The following MIPOL1 variants were observed in gnomAD, a reference collection of about 807,000 sequenced individuals.
MIPOL1 encodes mirror-image polydactyly gene 1 protein.
In MIPOL1, 57 loss-of-function variants were observed where a neutral mutation model predicts 60.9. That is an observed-to-expected ratio of 0.94 (90% CI 0.76 to 1.17). MIPOL1 has a LOEUF of 1.17. Among genes scored for constraint, MIPOL1 ranks in the 50% most tolerant of loss-of-function variants. The pLI, the probability that MIPOL1 is intolerant of heterozygous loss-of-function variation, is 0.00. For synonymous variants in MIPOL1, 179 were observed against 168.8 expected (o/e 1.06, Z -0.47); for missense variants, 551 against 511.6 (o/e 1.08, Z -0.74).
chr14:37,431,382 C>CT (rs974136401), intron 11 of MIPOL1, among the ~76,000 whole-genome samples: 5 of 151,822 alleles, frequency 3.3e-5, no homozygotes, highest in East Asian at 1.9e-4. Context: ...CATGCCCAAG[C>CT]TTTTTTTGCT....
intron 12 of MIPOL1, among the ~76,000 whole-genome samples, chr14:37,524,211 A>G (rs2095431596): frequency 6.6e-6 from 1 of 152,188 alleles, no homozygotes; most frequent in East Asian, 1.9e-4. Context: ...TATGTGGAAG[A>G]TAATTGGAAT....
rs1051315124 is a variant in MIPOL1 at position 37,478,517 on chromosome 14, A to G, written c.1032-21391A>G. ...ATAGCAAGAGATACCACAAAGTATC[A>G]ACAAAACCACCAGAAAACAATTAGC... On this transcript the variant is annotated intron_variant, in intron 11 of 12. Coordinates refer to ENST00000684589, the MANE Select transcript of MIPOL1 (RefSeq NM_001388067.1). Among the ~76,000 whole-genome samples, 11 of 152,340 alleles carry G rather than the reference A, an allele frequency of 7.2e-5. No homozygotes were observed. In the East Asian group the frequency reaches 1.4e-3, roughly 19 times the overall value.
chr14:37,416,230 T>C (rs1595681371), intron 10 of MIPOL1, among the ~76,000 whole-genome samples: 1 of 152,178 alleles, frequency 6.6e-6, no homozygotes, highest in Non-Finnish European at 1.5e-5. Context: ...AATCAAGTCT[T>C]TAAAATGTAT....
chr14:37,515,030 C>T (rs538624756), intron 12 of MIPOL1, among the ~76,000 whole-genome samples: 2 of 152,158 alleles, frequency 1.3e-5, no homozygotes, highest in East Asian at 1.9e-4. Flanking sequence ...AGGGATTTGC[C>T]GATGTCCATA....
chr14:37,343,159 T>C (rs1294996835), intron 9 of MIPOL1, among the ~76,000 whole-genome samples: 2 of 152,018 alleles, frequency 1.3e-5, no homozygotes, highest in South Asian at 4.2e-4. Context: ...TCAGCTGTAG[T>C]GTATGTGGTT....
chr14:37,340,583 G>C (rs950867054), intron 9 of MIPOL1, among the ~76,000 whole-genome samples: 2 of 151,626 alleles, frequency 1.3e-5, no homozygotes, highest in Non-Finnish European at 2.9e-5. Context: ...GGTGGTGCGT[G>C]CCTGTAGTTC....
chr14:37,430,042 G>T (rs984252389), intron 11 of MIPOL1, among the ~76,000 whole-genome samples: 5 of 152,094 alleles, frequency 3.3e-5, no homozygotes, highest in Non-Finnish European at 7.4e-5. Context: ...CTAATCAGTA[G>T]TGTCAGTTGG....
chr14:37,453,533 T>A, intron 11 of MIPOL1, among the ~76,000 whole-genome samples: 1 of 152,178 alleles, frequency 6.6e-6, no homozygotes, highest in East Asian at 1.9e-4. Flanking sequence ...CTTTACCTGC[T>A]TGACTCTGAG....
At position 37,247,871 on chromosome 14, in the gene MIPOL1, A is replaced by G; in HGVS notation, c.-18A>G. 6.2e-7 allele frequency: 1 copy of G among 1,613,146 alleles called. No individual in the cohort carries two copies. Among genetic ancestry groups the G allele is most frequent in the African/African-American group, 1.3e-5 (1 of 75,002 alleles). ...AAAACCAGAGACATTGCCAGAGCAA[A>G]CAAGAACAGAAATACAAATGGAGAA... On this transcript the variant is annotated 5_prime_UTR_variant, in exon 3 of 13. Transcript: ENST00000684589.
At chr14:37,385,789 G>T (rs777761272) in intron 10 of MIPOL1, 1 of 151,862 alleles carries the variant, frequency 6.6e-6, no homozygotes, top group African/African-American at 2.4e-5. Context: ...GCTTTTTCCT[G>T]TGCAAATGTA....
At chr14:37,262,549 A>AC (rs955122524) in intron 3 of MIPOL1, among the ~76,000 whole-genome samples, 11 of 152,008 alleles carry the variant, frequency 7.2e-5, no homozygotes, top group African/African-American at 2.4e-4. Flanking sequence ...TTCTTTTCTC[A>AC]CCCCCCAAAA....
At chr14:37,366,633 A>T (rs2092479322) in intron 9 of MIPOL1, among the ~76,000 whole-genome samples, 1 of 151,990 alleles carries the variant, frequency 6.6e-6, no homozygotes, top group East Asian at 1.9e-4. Context: ...CGGCCGTTGG[A>T]CGAAATGTTC....
At chr14:37,345,011 T>A in intron 9 of MIPOL1, among the ~76,000 whole-genome samples, 1 of 43,592 alleles carries the variant, frequency 2.3e-5, no homozygotes, top group African/African-American at 4.6e-5. Context: ...AGGGAGACTC[T>A]TATCAAAAAA....
intron 10 of MIPOL1, among the ~76,000 whole-genome samples, chr14:37,416,648 A>T (rs1434614745): frequency 6.6e-6 from 1 of 152,206 alleles, no homozygotes; most frequent in African/African-American, 2.4e-5. Context: ...GTGTGACTGT[A>T]CTAATTTTGT....
intron 2 of MIPOL1, 133 bp downstream of exon 2, chr14:37,247,373 T>C (rs1479934317): frequency 1.3e-5 from 2 of 152,344 alleles, no homozygotes; most frequent in African/African-American, 4.8e-5. Flanking sequence ...TTATGTTTTT[T>C]AAAATTAGAG....
chr14:37,376,569 A>C (rs1364373712), intron 10 of MIPOL1, among the ~76,000 whole-genome samples: 1 of 151,920 alleles, frequency 6.6e-6, no homozygotes, highest in Admixed American at 6.6e-5. Flanking sequence ...TAGTTGCTTA[A>C]TGTTCTGTCA....
intron 11 of MIPOL1, among the ~76,000 whole-genome samples, chr14:37,439,315 A>C (rs2094207154): frequency 6.6e-6 from 1 of 152,190 alleles, no homozygotes; most frequent in Non-Finnish European, 1.5e-5. Flanking sequence ...GGAAGAGGGC[A>C]TTCTAGCCTG....
intron 10 of MIPOL1, among the ~76,000 whole-genome samples, chr14:37,408,958 A>C (rs1209887014): frequency 1.3e-5 from 2 of 152,212 alleles, no homozygotes; most frequent in African/African-American, 2.4e-5. Flanking sequence ...ATAAGCACAC[A>C]GAAGGGCCAC....
At chr14:37,521,048 T>C (rs1228525711) in intron 12 of MIPOL1, among the ~76,000 whole-genome samples, 5 of 149,506 alleles carry the variant, frequency 3.3e-5, no homozygotes, top group African/African-American at 1.2e-4. Context: ...GTGATTCTCC[T>C]GCCTCAGCCT....
Sources: gnomAD v4.1 joint callset for allele counts (sites outside exome capture counted in the v4.1 genomes callset) on GRCh38, gnomAD v4.1.1 for gene constraint, MANE v1.5 for transcripts, NCBI Gene and HGNC (gene_info 2026-07-23, HGNC 2026-07-21) for gene names.